PLEKHG2: variants seen among roughly 807,000 people sequenced by gnomAD.
The protein encoded by PLEKHG2 is pleckstrin homology and RhoGEF domain containing G2.
In PLEKHG2, 71 loss-of-function variants were observed where a neutral mutation model predicts 104.4. The ratio of observed to expected loss-of-function variants is 0.68; its 90% confidence interval spans 0.56 to 0.83. The LOEUF (loss-of-function observed/expected upper bound fraction) is 0.83, where lower values mean the gene tolerates loss of function less well. PLEKHG2 is among the 40% of genes least tolerant of loss of function. The pLI is 0.00. For synonymous variants in PLEKHG2, 728 were observed against 737.0 expected, an observed-to-expected ratio of 0.99 and a Z score of 0.20; for missense variants, 1,730 against 1,809.4, an observed-to-expected ratio of 0.96 and a Z score of 0.80.
chr19:39,413,683 C>T lies in PLEKHG2; in HGVS notation c.-23+271C>T, dbSNP rs1043314652. On this transcript the variant is annotated intron_variant, in intron 1 of 18. Transcript: ENST00000425673. The surrounding 1 kb of genome is among the most constrained non-coding windows in gnomAD (Gnocchi z 4.5). ...GAGCCGTCTGCAGGACCCTGGCATCCGGTCCCCCAGCCTCCGCCCTCCCCT... is the reference window on the plus strand; with the variant it reads ...GAGCCGTCTGCAGGACCCTGGCATCTGGTCCCCCAGCCTCCGCCCTCCCCT... The T allele has an allele frequency of 1.3e-5, 2 of 157,168 alleles. No homozygotes were observed. The highest frequency in any genetic ancestry group is 2.4e-5 in the African/African-American group (1 of 41,480). 9.7% of individuals were successfully genotyped at this position (157,168 alleles called of 1,614,324 possible).
chr19:39,417,772 C>T, intron 8 of PLEKHG2, 80 bp downstream of exon 8: 1 of 1,530,804 alleles, frequency 6.5e-7, no homozygotes, highest in Non-Finnish European at 8.8e-7. Flanking sequence ...GAAATCAGTG[C>T]CTCAGAGGTA....
At position 39,418,721 on chromosome 19, in the gene PLEKHG2, TCTTTC is replaced by T. The variant is rs2145994046; in HGVS notation, c.1084-9_1084-5del. Reference sequence around the variant, plus strand: ...AAGGACTCTGAGCTTGCTACCCCTCTCTTTCCTTCCAGTGCTGCAACCTGAGCGTG... The same window carrying T: ...AAGGACTCTGAGCTTGCTACCCCTCTCTTCCAGTGCTGCAACCTGAGCGTG... On this transcript the variant is annotated splice_polypyrimidine_tract_variant and splice_region_variant and intron_variant, in intron 9 of 18. Transcript: ENST00000425673. 6.2e-7 allele frequency: 1 copy of T among 1,607,686 alleles called. No homozygotes were observed. The highest frequency in any genetic ancestry group is 8.5e-7 in the Non-Finnish European group (1 of 1,175,276).
At chr19:39,417,139 G>C (rs1326892695) in intron 7 of PLEKHG2, 139 bp downstream of exon 7, 1 of 1,010,042 alleles carries the variant, frequency 9.9e-7, no homozygotes, top group African/African-American at 1.6e-5. Context: ...GTGAGCCACC[G>C]CGCACAGCCC....
At chr19:39,419,634 T>C (rs2078664988) in intron 11 of PLEKHG2, among the ~76,000 whole-genome samples, 2 of 151,960 alleles carry the variant, frequency 1.3e-5, no homozygotes, top group Non-Finnish European at 2.9e-5. Context: ...TCCCAGCACT[T>C]TGGGAGGCCG....
rs534173555 is a variant in PLEKHG2 at position 39,416,812 on chromosome 19, G to T, written c.594-38G>T. The stretch of plus-strand genomic sequence containing the variant: ...TAACCCCTCTTGACCCCGCCCACTG[G>T]AACTGACAATCCCCACTGACCTGTG... On this transcript the variant is annotated intron_variant, in intron 6 of 18. Coordinates refer to ENST00000425673, the MANE Select transcript of PLEKHG2 (RefSeq NM_022835.3). This position sits in a 1 kb window ranked among gnomAD's most constrained non-coding sequence, Gnocchi z 4.5. 1.6e-4 allele frequency: 257 copies of T among 1,561,456 alleles called. No individual in the cohort carries two copies. The South Asian group carries it at 2.8e-3, about 17-fold the overall frequency.
In PLEKHG2 at chr19:39,415,615, G is replaced by A. The variant is rs1036526511; in HGVS notation, c.479+176G>A. The stretch of plus-strand genomic sequence containing the variant: ...ACCCCGAGTGAGGGAGGGGCATAGG[G>A]GATGGGAGGACCCCGAGTGAGGGAG... On this transcript the variant is annotated intron_variant, in intron 4 of 18. Transcript: ENST00000425673. The surrounding 1 kb of genome is among the most constrained non-coding windows in gnomAD (Gnocchi z 4.6). Among the ~76,000 whole-genome samples the A allele has an allele frequency of 8.2e-6, 1 of 122,010 alleles. No homozygotes were observed. The highest frequency in any genetic ancestry group is 3.2e-5 in the African/African-American group (1 of 30,948). 80.0% of individuals were successfully genotyped at this position (122,010 alleles called of 152,430 possible).
rs2078800491 is a variant in PLEKHG2 at position 39,427,914 on chromosome 19, CT to C, written c.*2621del. ...GGCTTAAGTCTACCATTAAATTTGC[CT>C]GTCCTGGCCAGGTGCGGTGGCTCAC... On this transcript the variant is annotated 3_prime_UTR_variant, in exon 19 of 19. Transcript: ENST00000425673. The C allele has an allele frequency of 6.6e-6, 1 of 152,224 alleles. No homozygotes were observed. Among genetic ancestry groups the C allele is most frequent in the African/African-American group, 2.4e-5 (1 of 41,426 alleles). The allele number at this position is 152,224 out of a possible 1,614,324, so 9.4% of individuals were successfully genotyped here. A position where few individuals can be genotyped will look rare whatever the true frequency, so the allele number is the denominator to read the frequency against.
chr19:39,419,924 A>G (rs1371052516), intron 11 of PLEKHG2, among the ~76,000 whole-genome samples: 3 of 150,516 alleles, frequency 2.0e-5, no homozygotes, highest in Non-Finnish European at 3.0e-5. Context: ...ATGGTGGCGC[A>G]TGCCTGTAAT....
chr19:39,424,557 G>A lies in PLEKHG2; in HGVS notation c.3424G>A (p.Ala1142Thr), dbSNP rs758382981. ...SQELPDTQVP[A>T]TTPLPLPQVL... ...GGAGCTCCCAGACACTCAGGTTCCAGCTACCACACCTTTGCCCCTGCCACA... is the reference window on the plus strand; with the variant it reads ...GGAGCTCCCAGACACTCAGGTTCCAACTACCACACCTTTGCCCCTGCCACA... The change falls in exon 19 of 19, where the codon GCT becomes ACT. Residue 1142 changes from alanine to threonine, a missense_variant. Physicochemically the swap from Ala to Thr is moderately conservative, Grantham distance 58. Coordinates refer to ENST00000425673, the MANE Select transcript of PLEKHG2 (RefSeq NM_022835.3). 1.9e-6 allele frequency: 3 copies of A among 1,614,080 alleles called. No individual in the cohort carries two copies. The highest frequency in any genetic ancestry group is 1.3e-5 in the African/African-American group (1 of 74,984).
chr19:39,418,372 A>G (rs2078643008), intron 9 of PLEKHG2, among the ~76,000 whole-genome samples: 1 of 152,122 alleles, frequency 6.6e-6, no homozygotes, highest in South Asian at 2.1e-4. Flanking sequence ...TGAGGTCAGG[A>G]GTTCGAGACC....
intron 18 of PLEKHG2, 21 bp from the exon 19 acceptor site, chr19:39,423,712 C>T (rs370569502): frequency 1.4e-5 from 22 of 1,596,486 alleles, no homozygotes; most frequent in Non-Finnish European, 1.7e-5. Context: ...GGTCCTGACT[C>T]GATCCTCTTT....
chr19:39,423,132 C>A lies in PLEKHG2; in HGVS notation c.2078C>A (p.Ser693Tyr). 6.2e-7 allele frequency: 1 copy of A among 1,614,090 alleles called. No homozygotes were observed. The highest frequency in any genetic ancestry group is 1.1e-5 in the South Asian group (1 of 91,076). ...AGCACTCCCACCCTCTCCTGTGACT[C>A]CTGGCTCCAAGGGCCTCTGCAGGAA... is the stretch of plus-strand genomic sequence containing the variant. ...LSSTPTLSCDSWLQGPLQEPA... is the reference protein window; with the variant it reads ...LSSTPTLSCDYWLQGPLQEPA... The change falls in exon 18 of 19, where the codon TCC becomes TAC. Residue 693 changes from serine to tyrosine, a missense_variant. By Grantham distance (144) the Ser-to-Tyr change is moderately radical (BLOSUM62 -2). Coordinates refer to ENST00000425673, the MANE Select transcript of PLEKHG2 (RefSeq NM_022835.3).
chr19:39,422,913 G>A lies in PLEKHG2; in HGVS notation c.1859G>A (p.Ser620Asn). The A allele has an allele frequency of 8.7e-6, 14 of 1,609,444 alleles. No homozygotes were observed. Among genetic ancestry groups the A allele is most frequent in the Non-Finnish European group, 1.2e-5 (14 of 1,177,014 alleles). ...CTCCACGTCCTGGAAGGGCTCGAAA[G>A]TTCCATTGCAGCTGAAATGCCCAGC... Reference protein sequence around the residue: ...SPLHVLEGLESSIAAEMPSIP... With the variant: ...SPLHVLEGLENSIAAEMPSIP... Residue 620 changes from serine to asparagine, a missense_variant, in exon 18 of 19, where the codon AGT becomes AAT. Transcript: ENST00000425673.
Position 39,417,187 on chromosome 19 carries a change from T to C in PLEKHG2, c.744+187T>C, listed in dbSNP as rs190105085. Among the ~76,000 whole-genome samples the C allele has an allele frequency of 9.4e-5, 14 of 148,918 alleles. No individual in the cohort carries two copies. The East Asian group carries it at 2.7e-3, about 29-fold the overall frequency. Reference sequence around the variant, plus strand: ...TTCCCTTTGAGGTGGAGTTTCACTCTTGTCGATGAGGCTGGAGTACAGTGG... The same window carrying C: ...TTCCCTTTGAGGTGGAGTTTCACTCCTGTCGATGAGGCTGGAGTACAGTGG... On this transcript the variant is annotated intron_variant, in intron 7 of 18. Transcript: ENST00000425673.
At chr19:39,418,176 C>T in intron 9 of PLEKHG2, 71 bp downstream of exon 9, 2 of 1,291,126 alleles carry the variant, frequency 1.5e-6, no homozygotes. Flanking sequence ...TATCTGTGTG[C>T]CCGGCAGTGT....
chr19:39,423,976 A>G lies in PLEKHG2; in HGVS notation c.2843A>G (p.Gln948Arg), dbSNP rs752465133. The change falls in exon 19 of 19, where the codon CAG (glutamine) becomes CGG (arginine). Residue 948 changes from glutamine (Q) to arginine (R), a missense_variant. Coordinates refer to ENST00000425673, the MANE Select transcript of PLEKHG2 (RefSeq NM_022835.3). ...LPEQGGSRHV[Q>R]APAATPLPKQ... ...GAGCAAGGAGGTTCCCGGCATGTCC[A>G]GGCTCCAGCCGCCACACCTTTGCCC... 8 of 1,614,116 alleles carry G rather than the reference A, an allele frequency of 5.0e-6. No individual in the cohort carries two copies. The South Asian group carries it at 7.7e-5, about 16-fold the overall frequency.
Position 39,424,033 on chromosome 19 carries a change from C to G in PLEKHG2, c.2900C>G (p.Pro967Arg), listed in dbSNP as rs151159047. The G allele has an allele frequency of 1.2e-6, 2 of 1,614,060 alleles. No individual in the cohort carries two copies. The highest frequency in any genetic ancestry group is 1.7e-6 in the Non-Finnish European group (2 of 1,179,984). ...KQEGPLHLQV[P>R]ALTTFSDQGH... ...GAAGGCCCCCTGCACCTCCAGGTGC[C>G]GGCTCTTACAACTTTCTCTGATCAA... Residue 967 changes from proline (P) to arginine (R), a missense_variant, in exon 19 of 19, where the codon CCG becomes CGG. Pro to Arg is a moderately radical substitution (Grantham distance 103, BLOSUM62 -2). Coordinates refer to ENST00000425673, the MANE Select transcript of PLEKHG2 (RefSeq NM_022835.3).
At chr19:39,414,493 G>T (rs145579435) in intron 2 of PLEKHG2, among the ~76,000 whole-genome samples, 3 of 152,310 alleles carry the variant, frequency 2.0e-5, no homozygotes, top group Non-Finnish European at 4.4e-5. Flanking sequence ...AGACAAGGAA[G>T]AGTATTCTAC....
chr19:39,417,735 G>A lies in PLEKHG2; in HGVS notation c.882+43G>A, dbSNP rs369003362. 1,865 of 1,584,322 alleles carry A rather than the reference G, an allele frequency of 1.2e-3. 2 individuals carry two copies. Among genetic ancestry groups the A allele is most frequent in the Non-Finnish European group, 1.5e-3 (1,761 of 1,167,594 alleles). ...TGGGGCTTGCTGGATGAGGGAGTGAGCGAGGGGGCCTTGGGGCGGGTGGGG... is the reference window on the plus strand; with the variant it reads ...TGGGGCTTGCTGGATGAGGGAGTGAACGAGGGGGCCTTGGGGCGGGTGGGG... On this transcript the variant is annotated intron_variant, in intron 8 of 18. Transcript: ENST00000425673.
Sources: gnomAD v4.1 joint callset for allele counts (sites outside exome capture counted in the v4.1 genomes callset) on GRCh38, gnomAD v4.1.1 for gene constraint, Gnocchi (gnomAD v3.1) non-coding constraint, MANE v1.5 for transcripts, NCBI Gene and HGNC (gene_info 2026-07-23, HGNC 2026-07-21) for gene names.